Variants in EHMT1 observed in about 807,000 individuals in gnomAD.
EHMT1 encodes the protein euchromatic histone lysine methyltransferase 1.
In EHMT1, 15 loss-of-function variants were observed where a neutral mutation model predicts 147.2. The ratio of observed to expected loss-of-function variants is 0.10; its 90% CI spans 0.07 to 0.16. The LOEUF (loss-of-function observed/expected upper bound fraction) is 0.16, where lower values mean the gene tolerates loss of function less well. EHMT1 is among the 10% of genes least tolerant of loss of function. The probability of loss-of-function intolerance (pLI) is 1.00; values close to 1 mark genes in which losing one functional copy is unlikely to be tolerated. For synonymous variants in EHMT1, 795 were observed against 709.6 expected (o/e 1.12, Z -1.91); for missense variants, 1,587 against 1,772.4 (o/e 0.90, Z 1.88).
At chr9:137,809,027 C>A (rs1954186203) in intron 18 of EHMT1, among the ~76,000 whole-genome samples, 1 of 152,094 alleles carries the variant, frequency 6.6e-6, no homozygotes, top group African/African-American at 2.4e-5. Context: ...GTTCAAGGAG[C>A]TCTGAAATGT....
At chr9:137,825,892 G>A (rs1002657700) in intron 25 of EHMT1, among the ~76,000 whole-genome samples, 8 of 152,106 alleles carry the variant, frequency 5.3e-5, no homozygotes, top group Non-Finnish European at 1.2e-4. Context: ...TGTTTCCCGT[G>A]ATGCTGTTGT....
chr9:137,826,978 C>T (rs967628427), intron 25 of EHMT1, among the ~76,000 whole-genome samples: 5 of 152,234 alleles, frequency 3.3e-5, no homozygotes, highest in African/African-American at 1.2e-4. Context: ...CTGCTGGAGG[C>T]TCTCAGTTCC....
intron 1 of EHMT1, among the ~76,000 whole-genome samples, chr9:137,644,287 C>T (rs755243091): frequency 6.6e-6 from 1 of 151,672 alleles, no homozygotes; most frequent in Non-Finnish European, 1.5e-5. Flanking sequence ...TGTTTGGAAA[C>T]TGGAATTTGA....
chr9:137,711,127 T>A (rs770755685), intron 2 of EHMT1, 97 bp downstream of exon 2: 1 of 1,318,684 alleles, frequency 7.6e-7, no homozygotes, highest in East Asian at 2.6e-5. Flanking sequence ...TCTTCTGACT[T>A]TCTTTGCTTC....
intron 1 of EHMT1, among the ~76,000 whole-genome samples, chr9:137,659,955 T>G (rs1485954334): frequency 6.6e-6 from 1 of 152,004 alleles, no homozygotes; most frequent in South Asian, 2.1e-4. Context: ...TTAGCCGAGG[T>G]TTTGTTTTTG....
intron 1 of EHMT1, among the ~76,000 whole-genome samples, chr9:137,659,556 ATT>A (rs750059438): frequency 1.3e-4 from 18 of 140,764 alleles, no homozygotes; most frequent in Non-Finnish European, 1.6e-4. Context: ...CCTTTAAAAA[ATT>A]TTTTTTTTTT....
At chr9:137,729,519 G>A (rs1362050370) in intron 4 of EHMT1, among the ~76,000 whole-genome samples, 4 of 151,952 alleles carry the variant, frequency 2.6e-5, no homozygotes, top group East Asian at 1.9e-4. Flanking sequence ...CCCGGGAGGC[G>A]GAGGTTGCTG....
intron 16 of EHMT1, among the ~76,000 whole-genome samples, chr9:137,793,573 C>T (rs966834143): frequency 6.6e-6 from 1 of 152,264 alleles, no homozygotes; most frequent in Non-Finnish European, 1.5e-5. Context: ...ACCAGGAACA[C>T]AAAGAGATCT....
intron 1 of EHMT1, among the ~76,000 whole-genome samples, chr9:137,639,698 C>G (rs909965819): frequency 6.6e-6 from 1 of 152,128 alleles, no homozygotes; most frequent in African/African-American, 2.4e-5. Context: ...TATCTTCAAT[C>G]GAAGGGATGT....
intron 25 of EHMT1, 59 bp from the exon 26 acceptor site, chr9:137,834,290 C>A: frequency 1.2e-6 from 2 of 1,602,468 alleles, no homozygotes; most frequent in Non-Finnish European, 1.7e-6. Context: ...CCGTACCCGG[C>A]GAGGCCGGCG....
At chr9:137,658,638 G>A (rs1310717151) in intron 1 of EHMT1, among the ~76,000 whole-genome samples, 1 of 151,066 alleles carries the variant, frequency 6.6e-6, no homozygotes, top group African/African-American at 2.4e-5. Context: ...TTTGAGACAG[G>A]GTCTTGCCCT....
chr9:137,826,242 T>C (rs1488862978), intron 25 of EHMT1, among the ~76,000 whole-genome samples: 1 of 152,210 alleles, frequency 6.6e-6, no homozygotes, highest in African/African-American at 2.4e-5. Flanking sequence ...CTGGCATCTC[T>C]GTAGGTCTGT....
chr9:137,728,438 T>A lies in EHMT1; in HGVS notation c.732T>A (p.Phe244Leu). ...AGATCAACAAAAACATTTCTGACTT[T>A]GGACGACAGCAGCTTTTACCCCCCT... ...KEEINKNISDFGRQQLLPPFP... is the reference protein window; with the variant it reads ...KEEINKNISDLGRQQLLPPFP... Residue 244 changes from phenylalanine (F) to leucine (L), a missense_variant, in exon 4 of 27, where the codon TTT (phenylalanine) becomes TTA (leucine). Phe to Leu is a conservative substitution (Grantham distance 22, BLOSUM62 0). Coordinates refer to ENST00000460843, the MANE Select transcript of EHMT1 (RefSeq NM_024757.5). 6.2e-7 allele frequency: 1 copy of A among 1,614,200 alleles called. No homozygotes were observed. The highest frequency in any genetic ancestry group is 1.1e-5 in the South Asian group (1 of 91,082).
At chr9:137,700,613 A>G (rs1477175833) in intron 1 of EHMT1, among the ~76,000 whole-genome samples, 1 of 152,222 alleles carries the variant, frequency 6.6e-6, no homozygotes, top group East Asian at 1.9e-4. Context: ...GTTGTGACCC[A>G]TTTTGATCAT....
intron 1 of EHMT1, among the ~76,000 whole-genome samples, chr9:137,656,269 A>G (rs1026910877): frequency 1.2e-4 from 18 of 152,172 alleles, no homozygotes; most frequent in African/African-American, 4.1e-4. Context: ...AATCCCAGCT[A>G]CTCAGGAGGC....
intron 10 of EHMT1, among the ~76,000 whole-genome samples, chr9:137,768,347 G>GT (rs768762232): frequency 0.27 from 25,351 of 92,740 alleles, 4,625 homozygotes; most frequent in Admixed American, 0.36. Flanking sequence ...TTTTCTGTGT[G>GT]TTTTTTTTTT....
chr9:137,767,220 A>G (rs1950275146), intron 10 of EHMT1, among the ~76,000 whole-genome samples: 1 of 152,204 alleles, frequency 6.6e-6, no homozygotes, highest in African/African-American at 2.4e-5. Context: ...CCTGCACTCA[A>G]GCAACCCTCC....
chr9:137,781,895 G>A (rs2136881522), intron 14 of EHMT1, among the ~76,000 whole-genome samples: 1 of 152,312 alleles, frequency 6.6e-6, no homozygotes, highest in East Asian at 1.9e-4. Context: ...GACCTCCTGG[G>A]AATTGACCGA....
rs888636394 is a variant in EHMT1 at position 137,782,689 on chromosome 9, G to A, written c.2382+292G>A. On this transcript the variant is annotated intron_variant, in intron 15 of 26. Transcript: ENST00000460843. The surrounding 1 kb of genome is among the most constrained non-coding windows in gnomAD (Gnocchi z 5.7). The stretch of plus-strand genomic sequence containing the variant: ...CTTCACACTCATGACGTCCCTCTGG[G>A]GGAGCCAAGCACTCGCAGAGGCACG... Among the ~76,000 whole-genome samples the A allele has an allele frequency of 3.3e-5, 5 of 152,138 alleles. No homozygotes were observed. The highest frequency in any genetic ancestry group is 2.1e-4 in the South Asian group (1 of 4,830).
Sources: gnomAD v4.1 joint callset for allele counts (sites outside exome capture counted in the v4.1 genomes callset) on GRCh38, gnomAD v4.1.1 for gene constraint, Gnocchi (gnomAD v3.1) non-coding constraint, MANE v1.5 for transcripts, NCBI Gene and HGNC (gene_info 2026-07-23, HGNC 2026-07-21) for gene names.